Variants in STON2 observed in about 807,000 individuals in gnomAD.
STON2 encodes stonin 2, also known as stonin-2.
A neutral mutation model predicts 65.7 loss-of-function variants in STON2; 29 were observed. That is an observed-to-expected ratio of 0.44 (90% confidence interval 0.33 to 0.60). The LOEUF is 0.60. STON2 is among the 20% of genes least tolerant of loss of function. The probability of loss-of-function intolerance (pLI) is 0.03; values close to 1 mark genes in which losing one functional copy is unlikely to be tolerated. For synonymous variants in STON2, 404 were observed against 414.2 expected, an observed-to-expected ratio of 0.98 and a Z score of 0.30; for missense variants, 1,054 against 1,118.1, an observed-to-expected ratio of 0.94 and a Z score of 0.82.
At chr14:81,312,683 C>T (rs1003379661) in intron 5 of STON2, among the ~76,000 whole-genome samples, 3 of 152,244 alleles carry the variant, frequency 2.0e-5, no homozygotes, top group Non-Finnish European at 4.4e-5. Context: ...AATTGCCCTT[C>T]ATTGTTTAAA....
At chr14:81,282,112 C>A (rs1895147939) in intron 5 of STON2, among the ~76,000 whole-genome samples, 1 of 152,106 alleles carries the variant, frequency 6.6e-6, no homozygotes, top group African/African-American at 2.4e-5. Flanking sequence ...GACAAGCATG[C>A]AACGATGTAC....
chr14:81,384,574 G>A (rs984091120), intron 3 of STON2, among the ~76,000 whole-genome samples: 2 of 152,096 alleles, frequency 1.3e-5, no homozygotes, highest in African/African-American at 4.8e-5. Context: ...TGTGTTTCTG[G>A]TATGAACCCC....
At chr14:81,397,654 C>T (rs1351321338) in intron 2 of STON2, among the ~76,000 whole-genome samples, 2 of 152,202 alleles carry the variant, frequency 1.3e-5, no homozygotes, top group Non-Finnish European at 2.9e-5. Flanking sequence ...CATGTCTCTG[C>T]AAATATCTCC....
Position 81,264,242 on chromosome 14 carries a change from C to T in STON2, c.*4172G>A. ...TTCAAATTCAGCAGCATATTAAGTG[C>T]CTAAATGCTGACAGGTTTTATTACT... On this transcript the variant is annotated 3_prime_UTR_variant, in exon 8 of 8. Transcript: ENST00000614646. The T allele has an allele frequency of 2.0e-6, 2 of 985,376 alleles. No individual in the cohort carries two copies. Among genetic ancestry groups the T allele is most frequent in the Non-Finnish European group, 2.4e-6 (2 of 829,926 alleles). The allele number at this position is 985,376 out of a possible 1,614,324, so 61.0% of individuals were successfully genotyped here. A position where few individuals can be genotyped will look rare whatever the true frequency, so the allele number is the denominator to read the frequency against.
intron 2 of STON2, among the ~76,000 whole-genome samples, chr14:81,419,042 C>G (rs1189907118): frequency 7.0e-6 from 1 of 142,226 alleles, no homozygotes; most frequent in Non-Finnish European, 1.5e-5. Context: ...TTTCTAAGCT[C>G]TACAAATTAA....
chr14:81,327,226 T>C (rs1231218533), intron 4 of STON2, among the ~76,000 whole-genome samples: 2 of 152,256 alleles, frequency 1.3e-5, no homozygotes, highest in African/African-American at 4.8e-5. Context: ...TAAATTCCTC[T>C]AAATATATCA....
intron 4 of STON2, among the ~76,000 whole-genome samples, chr14:81,355,103 A>G (rs1898173571): frequency 6.6e-6 from 1 of 152,254 alleles, no homozygotes; most frequent in African/African-American, 2.4e-5. Flanking sequence ...GAGAAAAAAA[A>G]GAATGCAAAA....
intron 5 of STON2, among the ~76,000 whole-genome samples, chr14:81,306,386 AT>A (rs35661541): frequency 0.79 from 118,285 of 150,100 alleles, 46,719 homozygotes; most frequent in African/African-American, 0.8. Context: ...CATATGCTCT[AT>A]TTTTTTTTAA....
chr14:81,385,575 C>G (rs530512921), intron 3 of STON2, among the ~76,000 whole-genome samples: 2 of 152,106 alleles, frequency 1.3e-5, no homozygotes, highest in African/African-American at 4.8e-5. Context: ...AGTTTCCTTG[C>G]CTATCTTGTT....
intron 5 of STON2, among the ~76,000 whole-genome samples, chr14:81,279,143 G>GA (rs1408918162): frequency 2.0e-4 from 30 of 151,690 alleles, no homozygotes; most frequent in African/African-American, 5.6e-4. Flanking sequence ...TCATCTCACT[G>GA]AAAAAAACCA....
intron 5 of STON2, among the ~76,000 whole-genome samples, chr14:81,288,003 C>T (rs1371735654): frequency 6.6e-6 from 1 of 152,162 alleles, no homozygotes; most frequent in Non-Finnish European, 1.5e-5. Context: ...AGAGGTCTCA[C>T]GCCGAGGGCA....
chr14:81,369,234 C>T (rs1318390137), intron 4 of STON2, among the ~76,000 whole-genome samples: 4 of 152,130 alleles, frequency 2.6e-5, no homozygotes, highest in African/African-American at 7.2e-5. Context: ...ATCTGCTTCC[C>T]GCCAGGACCC....
chr14:81,395,742 C>T, intron 3 of STON2, 152 bp downstream of exon 3: 1 of 739,272 alleles, frequency 1.4e-6, no homozygotes, highest in South Asian at 1.7e-5. Context: ...CAGAATTAAA[C>T]CAGATGAGAA....
At chr14:81,349,780 T>C (rs1897954918) in intron 4 of STON2, among the ~76,000 whole-genome samples, 1 of 152,172 alleles carries the variant, frequency 6.6e-6, no homozygotes, top group Non-Finnish European at 1.5e-5. Context: ...AGCACCCCCA[T>C]GTTTATTGTA....
At chr14:81,339,504 T>G (rs1347409689) in intron 4 of STON2, among the ~76,000 whole-genome samples, 2 of 152,134 alleles carry the variant, frequency 1.3e-5, no homozygotes, top group African/African-American at 4.8e-5. Flanking sequence ...TTCTTTCACA[T>G]TCCCAAGGCC....
At chr14:81,430,525 T>C (rs530591643) in intron 1 of STON2, among the ~76,000 whole-genome samples, 80 of 152,270 alleles carry the variant, frequency 5.3e-4, no homozygotes, top group African/African-American at 1.9e-3. Flanking sequence ...AGAGGCCACT[T>C]CAGGGCACCA....
chr14:81,334,410 G>A (rs1212586975), intron 4 of STON2, among the ~76,000 whole-genome samples: 3 of 152,128 alleles, frequency 2.0e-5, no homozygotes, highest in South Asian at 2.1e-4. Flanking sequence ...TAATGTATTC[G>A]GTTCATCATC....
chr14:81,346,483 C>G (rs1897814676), intron 4 of STON2, among the ~76,000 whole-genome samples: 1 of 152,102 alleles, frequency 6.6e-6, no homozygotes, highest in African/African-American at 2.4e-5. Flanking sequence ...ACAAGGAAGT[C>G]AAGAGACTTT....
At chr14:81,268,863 C>A (rs1282890400) in intron 7 of STON2, among the ~76,000 whole-genome samples, 1 of 152,176 alleles carries the variant, frequency 6.6e-6, no homozygotes, top group African/African-American at 2.4e-5. Flanking sequence ...CTCCACTATA[C>A]CATGGGCTCC....
Sources: gnomAD v4.1 joint callset for allele counts (sites outside exome capture counted in the v4.1 genomes callset) on GRCh38, gnomAD v4.1.1 for gene constraint, MANE v1.5 for transcripts, NCBI Gene and HGNC (gene_info 2026-07-23, HGNC 2026-07-21) for gene names.